SEMA3E: variants seen among roughly 807,000 people sequenced by gnomAD.
The protein encoded by SEMA3E is semaphorin 3E.
A neutral mutation model predicts 93.6 loss-of-function variants in SEMA3E; 49 were observed. The observed-to-expected ratio is 0.52, with a 90% confidence interval of 0.42 to 0.66. The LOEUF (loss-of-function observed/expected upper bound fraction) is 0.66. SEMA3E is among the 30% of genes least tolerant of loss of function. SEMA3E has a pLI of 0.00. For synonymous variants in SEMA3E, 363 were observed against 330.7 expected (o/e 1.10, Z -1.06); for missense variants, 906 against 964.8 (o/e 0.94, Z 0.81).
intron 3 of SEMA3E, among the ~76,000 whole-genome samples, chr7:83,468,036 T>C (rs1376529433): frequency 6.6e-6 from 1 of 152,214 alleles, no homozygotes; most frequent in Non-Finnish European, 1.5e-5. Flanking sequence ...GTGCCCAGTA[T>C]TACTTGAAAT....
chr7:83,367,799 T>C lies in SEMA3E; in HGVS notation c.2115A>G (p.Gly705=). The C allele has an allele frequency of 6.2e-7, 1 of 1,614,090 alleles. No individual in the cohort carries two copies. The highest frequency in any genetic ancestry group is 8.5e-7 in the Non-Finnish European group (1 of 1,180,002). Residue 705 remains glycine, a synonymous_variant, in exon 17 of 17, where the codon GGA becomes GGG. Transcript: ENST00000643230. ...AGAATTCCTTGTACCATGGTTTTGC[T>C]CCCTGCGAGATGCTACTCTGAGCAG... ...PCPAQSSISQ[G]AKPWYKEFLQ...
Position 83,407,194 on chromosome 7 carries a change from C to T in SEMA3E, c.716G>A (p.Arg239Lys), listed in dbSNP as rs1295531534. ...AAAGAAATATACTTTGTTGTCATCTCTGTCTTCATTGTCAGGAATCATGTA... is the reference window on the plus strand; with the variant it reads ...AAAGAAATATACTTTGTTGTCATCTTTGTCTTCATTGTCAGGAATCATGTA... ...GSYMIPDNEDRDDNKVYFFFT... is the reference protein window; with the variant it reads ...GSYMIPDNEDKDDNKVYFFFT... Residue 239 changes from arginine to lysine, a missense_variant, in exon 7 of 17, where the codon AGA (arginine) becomes AAA (lysine). Coordinates refer to ENST00000643230, the MANE Select transcript of SEMA3E (RefSeq NM_012431.3). 6.2e-7 allele frequency: 1 copy of T among 1,613,442 alleles called. No individual in the cohort carries two copies. Among genetic ancestry groups the T allele is most frequent in the East Asian group, 2.2e-5 (1 of 44,834 alleles).
rs1235862941 is a variant in SEMA3E, at chr7:83,444,873, G to A, written c.456+21609C>T. ...TTTAGTAGAGATGGGATTTTGCCACGTTGGCCAGGCTGGTCTCAAACTCCT... is the reference window on the plus strand; with the variant it reads ...TTTAGTAGAGATGGGATTTTGCCACATTGGCCAGGCTGGTCTCAAACTCCT... On this transcript the variant is annotated intron_variant, in intron 4 of 16. Coordinates refer to ENST00000643230, the MANE Select transcript of SEMA3E (RefSeq NM_012431.3). 5.0e-4 allele frequency among the ~76,000 whole-genome samples: 76 copies of A among 152,064 alleles called. 1 individual carries two copies. Among genetic ancestry groups the A allele is most frequent in the Admixed American group, 6.5e-5 (1 of 15,274 alleles).
intron 4 of SEMA3E, among the ~76,000 whole-genome samples, chr7:83,461,862 C>T (rs1789626411): frequency 6.6e-6 from 1 of 152,202 alleles, no homozygotes; most frequent in Non-Finnish European, 1.5e-5. Flanking sequence ...ATCTCCAACA[C>T]ACAAGAACTT....
intron 1 of SEMA3E, among the ~76,000 whole-genome samples, chr7:83,528,507 C>T (rs1791216901): frequency 6.6e-6 from 1 of 152,136 alleles, no homozygotes; most frequent in Non-Finnish European, 1.5e-5. Context: ...CGAAGCTTGG[C>T]ATAGATAAGT....
intron 1 of SEMA3E, among the ~76,000 whole-genome samples, chr7:83,606,976 T>A (rs1373214433): frequency 6.6e-6 from 1 of 152,202 alleles, no homozygotes. Flanking sequence ...AAGTATAATG[T>A]AGGGAATGAC....
chr7:83,581,317 C>T (rs547322863), intron 1 of SEMA3E, among the ~76,000 whole-genome samples: 91 of 152,032 alleles, frequency 6.0e-4, no homozygotes, highest in African/African-American at 1.9e-3. Flanking sequence ...TGCAGCAGAT[C>T]GCTGCACTGC....
At chr7:83,509,053 C>A (rs1790760613) in intron 1 of SEMA3E, among the ~76,000 whole-genome samples, 1 of 152,108 alleles carries the variant, frequency 6.6e-6, no homozygotes, top group African/African-American at 2.4e-5. Flanking sequence ...TTATTTAATC[C>A]TCCCCTAGTT....
intron 1 of SEMA3E, among the ~76,000 whole-genome samples, chr7:83,524,169 A>G (rs1164625548): frequency 6.6e-6 from 1 of 152,136 alleles, no homozygotes; most frequent in African/African-American, 2.4e-5. Context: ...TAGACCTTGT[A>G]AGATAGTTTT....
intron 4 of SEMA3E, among the ~76,000 whole-genome samples, chr7:83,425,274 C>T (rs1788746864): frequency 6.6e-6 from 1 of 151,928 alleles, no homozygotes; most frequent in Admixed American, 6.6e-5. Context: ...ACTAGAAACA[C>T]AGCAATAAAC....
In SEMA3E at chr7:83,466,256, A is replaced by C. The variant is rs77575170; in HGVS notation, c.456+226T>G. ...TCTTAGTGGGCAAATTAAGCAAATA[A>C]AATTATTAAGTGAATTGAGTGCATA... On this transcript the variant is annotated intron_variant, in intron 4 of 16. Coordinates refer to ENST00000643230, the MANE Select transcript of SEMA3E (RefSeq NM_012431.3). Among the ~76,000 whole-genome samples the C allele has an allele frequency of 2.1e-3, 321 of 152,310 alleles. 4 individuals carry two copies. The highest frequency in any genetic ancestry group is 7.5e-3 in the African/African-American group (310 of 41,568).
At chr7:83,507,757 G>A (rs963173068) in intron 1 of SEMA3E, among the ~76,000 whole-genome samples, 9 of 151,526 alleles carry the variant, frequency 5.9e-5, no homozygotes, top group African/African-American at 1.9e-4. Flanking sequence ...GGGCAACATA[G>A]TGAGACCTCA....
At chr7:83,518,654 TA>T (rs983830088) in intron 1 of SEMA3E, among the ~76,000 whole-genome samples, 1 of 152,184 alleles carries the variant, frequency 6.6e-6, no homozygotes, top group African/African-American at 2.4e-5. Context: ...CATTCATTAT[TA>T]AAAAGAGAGG....
At chr7:83,574,780 C>T (rs1792365813) in intron 1 of SEMA3E, among the ~76,000 whole-genome samples, 1 of 152,042 alleles carries the variant, frequency 6.6e-6, no homozygotes, top group African/African-American at 2.4e-5. Flanking sequence ...AATTATCTGC[C>T]AACAGCTAGA....
chr7:83,396,684 A>G lies in SEMA3E; in HGVS notation c.1412T>C (p.Met471Thr), dbSNP rs780166082. The G allele has an allele frequency of 7.5e-6, 12 of 1,609,050 alleles. No homozygotes were observed. The highest frequency in any genetic ancestry group is 8.5e-6 in the Non-Finnish European group (10 of 1,176,772). The change falls in exon 12 of 17, where the codon ATG becomes ACG. Residue 471 changes from methionine (M) to threonine (T), a missense_variant. Transcript: ENST00000643230. Reference sequence around the variant, plus strand: ...TAGAATTACTTCTTCCATTGATTCCATTTCTTGGTTGTAAATTGTGATTAC... The same window carrying G: ...TAGAATTACTTCTTCCATTGATTCCGTTTCTTGGTTGTAAATTGTGATTAC... ...LKVITIYNQEMESMEEVILEE... is the reference protein window; with the variant it reads ...LKVITIYNQETESMEEVILEE...
intron 4 of SEMA3E, among the ~76,000 whole-genome samples, chr7:83,441,564 A>T (rs541982121): frequency 6.6e-6 from 1 of 152,284 alleles, no homozygotes; most frequent in Non-Finnish European, 1.5e-5. Flanking sequence ...TGATAGCTAT[A>T]GTCATACAAC....
chr7:83,529,854 C>A (rs958903873), intron 1 of SEMA3E, among the ~76,000 whole-genome samples: 2 of 152,144 alleles, frequency 1.3e-5, no homozygotes, highest in Non-Finnish European at 2.9e-5. Flanking sequence ...TTCCCTCCAT[C>A]TCTCCTTCTC....
chr7:83,473,344 T>C (rs569089257), intron 2 of SEMA3E, among the ~76,000 whole-genome samples: 6 of 152,314 alleles, frequency 3.9e-5, no homozygotes, highest in Non-Finnish European at 2.9e-5. Context: ...ACTGTATTGC[T>C]AGGCCTGTGA....
At chr7:83,635,742 A>G (rs1169591986) in intron 1 of SEMA3E, among the ~76,000 whole-genome samples, 1 of 152,014 alleles carries the variant, frequency 6.6e-6, no homozygotes, top group Non-Finnish European at 1.5e-5. Context: ...AATAGCTTTC[A>G]TAAACTAAGT....
Sources: gnomAD v4.1 joint callset for allele counts (sites outside exome capture counted in the v4.1 genomes callset) on GRCh38, gnomAD v4.1.1 for gene constraint, MANE v1.5 for transcripts, NCBI Gene and HGNC (gene_info 2026-07-23, HGNC 2026-07-21) for gene names.